Variants in ARHGEF4 observed in about 807,000 individuals in gnomAD.
ARHGEF4 encodes Rho guanine nucleotide exchange factor 4, also known as APC-stimulated guanine nucleotide exchange factor 1.
A neutral mutation model predicts 162.0 loss-of-function variants in ARHGEF4; 119 were observed. The observed-to-expected ratio is 0.73, with a 90% CI of 0.63 to 0.86. ARHGEF4 has a LOEUF of 0.86. Among genes scored for constraint, ARHGEF4 ranks in the 40% least tolerant of loss-of-function variants. ARHGEF4 has a pLI of 0.00. For missense variants in ARHGEF4, 2,488 were observed against 2,456.0 expected (o/e 1.01, Z -0.28); for synonymous variants, 1,014 against 979.9 (o/e 1.03, Z -0.65).
At chr2:130,913,847 C>T (rs758613537) in intron 1 of ARHGEF4, 139 bp from the exon 2 acceptor site, 7 of 1,015,136 alleles carry the variant, frequency 6.9e-6, no homozygotes, top group Non-Finnish European at 8.4e-6. Context: ...TTCATACTTA[C>T]CTCCCTTCCT....
chr2:130,902,922 G>T (rs1198469762), intron 1 of ARHGEF4, among the ~76,000 whole-genome samples: 1 of 119,152 alleles, frequency 8.4e-6, no homozygotes, highest in Non-Finnish European at 1.9e-5. Flanking sequence ...CAGGGGCTCT[G>T]TTTTTTTGTT....
intron 1 of ARHGEF4, among the ~76,000 whole-genome samples, chr2:130,850,447 G>A (rs1344737): frequency 0.13 from 19,335 of 152,208 alleles, 1,643 homozygotes; most frequent in African/African-American, 0.22. Context: ...CTCCCTCCAT[G>A]AGCCCAGTCC....
intron 1 of ARHGEF4, among the ~76,000 whole-genome samples, chr2:130,865,651 C>G (rs902679380): frequency 5.3e-5 from 8 of 152,296 alleles, no homozygotes; most frequent in Middle Eastern, 6.8e-3. Flanking sequence ...CTGATCCTCG[C>G]GGAAAAAGTC....
At chr2:130,889,658 A>C (rs1181721176) in intron 1 of ARHGEF4, among the ~76,000 whole-genome samples, 1 of 151,014 alleles carries the variant, frequency 6.6e-6, no homozygotes, top group East Asian at 1.9e-4. Flanking sequence ...TAAAAATACA[A>C]AAAATTAGCT....
chr2:130,984,399 T>A (rs1413850714), intron 4 of ARHGEF4, among the ~76,000 whole-genome samples: 1 of 152,018 alleles, frequency 6.6e-6, no homozygotes, highest in Non-Finnish European at 1.5e-5. Context: ...CAAAAGAATA[T>A]CAAGTTTATG....
chr2:130,910,621 A>G (rs1681118750), intron 1 of ARHGEF4, among the ~76,000 whole-genome samples: 8 of 152,228 alleles, frequency 5.3e-5, no homozygotes, highest in Admixed American at 5.2e-4. Context: ...GAGGATTTAA[A>G]CAGTCAACAA....
Position 130,914,972 on chromosome 2 carries a change from G to A in ARHGEF4, c.1026G>A (p.Gly342=). The change falls in exon 2 of 14, where the codon GGG becomes GGA. Residue 342 remains glycine (G), a synonymous_variant. Transcript: ENST00000409359. ...TGGTCAGGGCCCATTCCATAGCAGG[G>A]TTTTCACCAGAGTGCCCCGAGGATC... ...RALVRAHSIA[G]FSPECPEDPV... The A allele has an allele frequency of 1.3e-6, 2 of 1,550,470 alleles. No individual in the cohort carries two copies. The highest frequency in any genetic ancestry group is 1.2e-5 in the South Asian group (1 of 84,030).
At chr2:130,889,115 AAAAG>A (rs1010244734) in intron 1 of ARHGEF4, among the ~76,000 whole-genome samples, 4 of 152,032 alleles carry the variant, frequency 2.6e-5, no homozygotes, top group South Asian at 2.1e-4. Flanking sequence ...CAAAAAAAAA[AAAAG>A]AAAGAAAGAA....
intron 4 of ARHGEF4, among the ~76,000 whole-genome samples, chr2:130,974,816 T>C (rs1399110775): frequency 6.6e-6 from 1 of 152,082 alleles, no homozygotes; most frequent in African/African-American, 2.4e-5. Flanking sequence ...CATGACAAAC[T>C]TAACATAAAA....
chr2:130,917,935 C>T (rs1681622480), intron 2 of ARHGEF4, among the ~76,000 whole-genome samples: 1 of 151,784 alleles, frequency 6.6e-6, no homozygotes, highest in African/African-American at 2.4e-5. Flanking sequence ...CAATTCTCTG[C>T]CTCAGCCTCA....
rs569970653 is a variant in ARHGEF4 at position 130,871,682 on chromosome 2, C to T, written c.39+34690C>T. Among the ~76,000 whole-genome samples the T allele has an allele frequency of 7.9e-5, 12 of 152,116 alleles. No individual in the cohort carries two copies. The South Asian group carries it at 1.9e-3, about 24-fold the overall frequency. ...TTTCCAAAATCATCTGATCACTCAT[C>T]CCTTCATTTGTTGTCTTCCAAATCC... On this transcript the variant is annotated intron_variant, in intron 1 of 13. Transcript: ENST00000409359.
At chr2:130,982,219 G>A (rs1386975471) in intron 4 of ARHGEF4, among the ~76,000 whole-genome samples, 5 of 152,200 alleles carry the variant, frequency 3.3e-5, no homozygotes, top group South Asian at 2.1e-4. Context: ...GGCTAATCTC[G>A]AACTCCTGAC....
chr2:131,031,355 A>G (rs1039323486), intron 5 of ARHGEF4, among the ~76,000 whole-genome samples: 2 of 152,220 alleles, frequency 1.3e-5, no homozygotes, highest in African/African-American at 4.8e-5. Flanking sequence ...TTCCAGGTAC[A>G]TGAGGAGTGA....
chr2:131,046,266 G>C lies in ARHGEF4; in HGVS notation c.*77G>C. 1 of 1,457,736 alleles carries C rather than the reference G, an allele frequency of 6.9e-7. No homozygotes were observed. Among genetic ancestry groups the C allele is most frequent in the Non-Finnish European group, 9.3e-7 (1 of 1,076,464 alleles). The allele number at this position is 1,457,736 out of a possible 1,614,324, so 90.3% of individuals were successfully genotyped here. A position where few individuals can be genotyped will look rare whatever the true frequency, so the allele number is the denominator to read the frequency against. On this transcript the variant is annotated 3_prime_UTR_variant, in exon 14 of 14. Coordinates refer to ENST00000409359, the MANE Select transcript of ARHGEF4 (RefSeq NM_001367493.1). ...GTTTTTCTTCCCCGAGGCCCACTCG[G>C]CCTGGCCTTCCTCTGCCTGCAAGTG...
chr2:130,909,263 AC>A, intron 1 of ARHGEF4, among the ~76,000 whole-genome samples: 1 of 152,212 alleles, frequency 6.6e-6, no homozygotes, highest in African/African-American at 2.4e-5. Context: ...ACTGGGAACA[AC>A]CCAAATGTCC....
chr2:130,851,709 G>A (rs1245028259), intron 1 of ARHGEF4, among the ~76,000 whole-genome samples: 1 of 152,224 alleles, frequency 6.6e-6, no homozygotes, highest in African/African-American at 2.4e-5. Flanking sequence ...GACTGCTGCT[G>A]TCCTCAGCTC....
In ARHGEF4 at chr2:131,021,546, T is replaced by A. The variant is rs543570141; in HGVS notation, c.3986-6399T>A. Among the ~76,000 whole-genome samples the A allele has an allele frequency of 1.1e-4, 16 of 152,264 alleles. No individual in the cohort carries two copies. The East Asian group carries it at 1.9e-3, about 18-fold the overall frequency. ...AAAACCCTAGAAGAAAACCTAGGCATTACCATTCAGGACATAGGCATGGGC... is the reference window on the plus strand; with the variant it reads ...AAAACCCTAGAAGAAAACCTAGGCAATACCATTCAGGACATAGGCATGGGC... On this transcript the variant is annotated intron_variant, in intron 4 of 13. Transcript: ENST00000409359.
chr2:130,842,552 A>T (rs1301450642), intron 1 of ARHGEF4, among the ~76,000 whole-genome samples: 2 of 152,200 alleles, frequency 1.3e-5, no homozygotes, highest in African/African-American at 4.8e-5. Context: ...TGGATTCTTC[A>T]TGCCTTTCAT....
At chr2:130,923,291 TTTCTC>T (rs1410659372) in intron 2 of ARHGEF4, among the ~76,000 whole-genome samples, 3 of 152,244 alleles carry the variant, frequency 2.0e-5, no homozygotes, top group African/African-American at 7.2e-5. Flanking sequence ...GTATCCATCT[TTTCTC>T]TACCCCAAGG....
Sources: allele counts gnomAD v4.1 joint callset (sites outside exome capture counted in the v4.1 genomes callset), GRCh38; gene constraint gnomAD v4.1.1; transcripts MANE v1.5; gene names NCBI Gene and HGNC (gene_info 2026-07-23, HGNC 2026-07-21).